Variants in CBLC observed in about 807,000 individuals in gnomAD.
The protein encoded by CBLC is E3 ubiquitin-protein ligase CBL-C.
In CBLC, 46 loss-of-function variants were observed where a neutral mutation model predicts 58.6. That is an observed-to-expected ratio of 0.79 (90% confidence interval 0.62 to 1.00). The LOEUF is 1.00. Ranked by LOEUF, CBLC falls within the 50% of genes least tolerant of loss-of-function variation. The pLI, the probability that CBLC is intolerant of heterozygous loss-of-function variation, is 0.00. For missense variants in CBLC, 655 were observed against 625.8 expected, an observed-to-expected ratio of 1.05 and a Z score of -0.50; for synonymous variants, 271 against 264.2, an observed-to-expected ratio of 1.03 and a Z score of -0.25.
At position 44,781,070 on chromosome 19, in the gene CBLC, T is replaced by G. The variant is rs993192049; in HGVS notation, c.500+19T>G. ...GAGCCCGGTGAGTAAGCCCTTGTCC[T>G]CAGCTCCCGGAGCCCCATCCTGCCC... On this transcript the variant is annotated intron_variant, in intron 2 of 10. Transcript: ENST00000647358. 2 of 1,606,000 alleles carry G rather than the reference T, an allele frequency of 1.2e-6. No homozygotes were observed. Among genetic ancestry groups the G allele is most frequent in the African/African-American group, 2.7e-5 (2 of 74,810 alleles).
chr19:44,800,539 C>A lies in CBLC; in HGVS notation c.*8-12C>A. 1 of 773,692 alleles carries A rather than the reference C, an allele frequency of 1.3e-6. No homozygotes were observed. Among genetic ancestry groups the A allele is most frequent in the South Asian group, 1.7e-5 (1 of 59,910 alleles). The allele number at this position is 773,692 out of a possible 1,614,324, so 47.9% of individuals were successfully genotyped here. A position where few individuals can be genotyped will look rare whatever the true frequency, so the allele number is the denominator to read the frequency against. ...GTGACCTCATCTAACCCACCCCTCT[C>A]TCCGCCTACAGGGCACCCAGATGTG... On this transcript the variant is annotated splice_polypyrimidine_tract_variant and intron_variant, in intron 10 of 10. Transcript: ENST00000647358.
At chr19:44,789,909 AAAT>A in intron 5 of CBLC, 92 bp from the exon 6 acceptor site, 2 of 821,526 alleles carry the variant, frequency 2.4e-6, no homozygotes, top group Non-Finnish European at 4.2e-6. Flanking sequence ...CAACTCAGGG[AAAT>A]ATGGGGCCCT....
intron 5 of CBLC, among the ~76,000 whole-genome samples, chr19:44,789,020 A>G (rs1967979848): frequency 6.6e-6 from 1 of 152,120 alleles, no homozygotes; most frequent in South Asian, 2.1e-4. Flanking sequence ...TGAGGGTCCA[A>G]TATTTCATGT....
In CBLC at chr19:44,800,436, C is replaced by G. The variant is rs1298249941; in HGVS notation, c.1418C>G (p.Pro473Arg). 6.2e-7 allele frequency: 1 copy of G among 1,611,168 alleles called. No individual in the cohort carries two copies. ...GCGCTGGGACCCCAGGACCCTGCCC[C>G]GGCCTGAAGGCCAGGTGAGTCCATT... Reference protein sequence around the residue: ...PAALGPQDPAPA With the variant: ...PAALGPQDPARA The change falls in exon 10 of 11, where the codon CCG becomes CGG. Residue 473 changes from proline (P) to arginine (R), a missense_variant. Coordinates refer to ENST00000647358, the MANE Select transcript of CBLC (RefSeq NM_012116.4).
intron 5 of CBLC, among the ~76,000 whole-genome samples, chr19:44,785,539 GA>G (rs1967878629): frequency 4.0e-4 from 35 of 86,684 alleles, no homozygotes; most frequent in African/African-American, 1.8e-3. Context: ...TAGGTAGATA[GA>G]TAGATAGATA....
At position 44,781,278 on chromosome 19, in the gene CBLC, C is replaced by A; in HGVS notation, c.572C>A (p.Ala191Asp). 2 of 1,613,730 alleles carry A rather than the reference C, an allele frequency of 1.2e-6. No homozygotes were observed. Among genetic ancestry groups the A allele is most frequent in the Non-Finnish European group, 1.7e-6 (2 of 1,179,974 alleles). ...TCHPVEPGCT[A>D]LALRTTIDLT... is the part of the protein sequence containing the mutation. ...CACCCTGTGGAACCAGGCTGCACAG[C>A]CCTGGCCTTGCGCACCACCATTGAC... The change falls in exon 3 of 11, where the codon GCC becomes GAC. Residue 191 changes from alanine to aspartate, a missense_variant. Coordinates refer to ENST00000647358, the MANE Select transcript of CBLC (RefSeq NM_012116.4).
rs115397625 is a variant in CBLC at position 44,798,630 on chromosome 19, G to A, written c.1363-1751G>A. Among the ~76,000 whole-genome samples the A allele has an allele frequency of 7.5e-3, 1,142 of 152,210 alleles. 17 individuals are homozygous for A. Among genetic ancestry groups the A allele is most frequent in the African/African-American group, 0.026 (1,080 of 41,522 alleles). On this transcript the variant is annotated intron_variant, in intron 9 of 10. Transcript: ENST00000647358. The stretch of plus-strand genomic sequence containing the variant: ...CTCGGGAGGCTGAGGTAGGAGAATC[G>A]CTTGATTCTCGCTTGATTATCGCTT...
rs1344052233 is a variant in CBLC at position 44,778,210 on chromosome 19, G to C, written c.279G>C (p.Gln93His). 6.0e-6 allele frequency: 9 copies of C among 1,489,614 alleles called. No homozygotes were observed. Among genetic ancestry groups the C allele is most frequent in the Non-Finnish European group, 8.0e-6 (9 of 1,120,808 alleles). 92.3% of individuals were successfully genotyped at this position (1,489,614 alleles called of 1,614,324 possible). Residue 93 changes from glutamine (Q) to histidine (H), a missense_variant, in exon 1 of 11, where the codon CAG becomes CAC. Physicochemically the swap from Gln to His is conservative, Grantham distance 24. This residue lies in a region of CBLC where 280 missense variants were observed against 237.2 expected (regional missense o/e 1.18). Coordinates refer to ENST00000647358, the MANE Select transcript of CBLC (RefSeq NM_012116.4). ...YLANLEAKSR[Q>H]VAALLPPRGR... ...CCAATCTGGAGGCCAAGAGCAGGCA[G>C]GTGGCCGCGCTGCTGCCTCCCCGGG...
chr19:44,784,980 TTTTTTTTTTG>T (rs1967859242), intron 5 of CBLC, among the ~76,000 whole-genome samples: 2 of 123,724 alleles, frequency 1.6e-5, no homozygotes, highest in African/African-American at 6.7e-5. Flanking sequence ...TTTTTTTTTT[TTTTTTTTTTG>T]AGACAGAGTC....
Position 44,777,980 on chromosome 19 carries a change from G to C in CBLC, c.49G>C (p.Ala17Pro), listed in dbSNP as rs773891788. 1.9e-6 allele frequency: 3 copies of C among 1,606,776 alleles called. No individual in the cohort carries two copies. Among genetic ancestry groups the C allele is most frequent in the South Asian group, 2.2e-5 (2 of 90,846 alleles). ...GGGGCGACAGTGGGAAGAGGCCCGC[G>C]CCCTGGGCCGGGCAGTCAGGATGCT... The part of the protein sequence containing the change: ...PWGRQWEEAR[A>P]LGRAVRMLQR... The change falls in exon 1 of 11, where the codon GCC becomes CCC. Residue 17 changes from alanine (A) to proline (P), a missense_variant. Ala to Pro is a conservative substitution (Grantham distance 27, BLOSUM62 -1). This residue lies in a region of CBLC where 280 missense variants were observed against 237.2 expected (regional missense o/e 1.18). Coordinates refer to ENST00000647358, the MANE Select transcript of CBLC (RefSeq NM_012116.4).
chr19:44,786,512 G>A (rs773775472), intron 5 of CBLC, among the ~76,000 whole-genome samples: 4 of 149,826 alleles, frequency 2.7e-5, no homozygotes, highest in East Asian at 2.0e-4. Context: ...GGAGAATGGC[G>A]TGAACCCTGG....
At chr19:44,785,890 AC>A (rs1568559232) in intron 5 of CBLC, among the ~76,000 whole-genome samples, 1 of 151,914 alleles carries the variant, frequency 6.6e-6, no homozygotes, top group Non-Finnish European at 1.5e-5. Context: ...AGCTGATATC[AC>A]GCCACTGCAC....
Position 44,777,908 on chromosome 19 carries a change from C to G in CBLC, c.-24C>G. 2 of 1,528,498 alleles carry G rather than the reference C, an allele frequency of 1.3e-6. No homozygotes were observed. Among genetic ancestry groups the G allele is most frequent in the South Asian group, 1.2e-5 (1 of 81,382 alleles). 94.7% of individuals were successfully genotyped at this position (1,528,498 alleles called of 1,614,324 possible). On this transcript the variant is annotated 5_prime_UTR_variant, in exon 1 of 11. Transcript: ENST00000647358. The stretch of plus-strand genomic sequence containing the variant: ...CGCCCCTATCCCAGCCGCACCGGTC[C>G]TTCCCGGCACACGCGAGGCTCCCAT...
At chr19:44,786,920 C>T (rs1224437930) in intron 5 of CBLC, among the ~76,000 whole-genome samples, 1 of 151,980 alleles carries the variant, frequency 6.6e-6, no homozygotes, top group Non-Finnish European at 1.5e-5. Context: ...GCCTGGCCAA[C>T]ATGGTGAAAC....
At chr19:44,788,874 A>G (rs1355698299) in intron 5 of CBLC, among the ~76,000 whole-genome samples, 1 of 152,024 alleles carries the variant, frequency 6.6e-6, no homozygotes, top group Non-Finnish European at 1.5e-5. Context: ...AGAAGGGGAA[A>G]CTGAGGCCAG....
At chr19:44,784,726 T>A (rs1019210758) in intron 5 of CBLC, among the ~76,000 whole-genome samples, 1 of 152,088 alleles carries the variant, frequency 6.6e-6, no homozygotes, top group Non-Finnish European at 1.5e-5. Flanking sequence ...CTTCCTCTTT[T>A]ACTTTAGTTA....
chr19:44,794,901 A>G (rs1599873509), intron 9 of CBLC, among the ~76,000 whole-genome samples: 1 of 144,284 alleles, frequency 6.9e-6, no homozygotes, highest in African/African-American at 2.6e-5. Context: ...TTCCCTGACC[A>G]CTCTGTTCAA....
At position 44,782,488 on chromosome 19, in the gene CBLC, G is replaced by T; in HGVS notation, c.776G>T (p.Gly259Val). 1 of 1,613,260 alleles carries T rather than the reference G, an allele frequency of 6.2e-7. No individual in the cohort carries two copies. Among genetic ancestry groups the T allele is most frequent in the Non-Finnish European group, 8.5e-7 (1 of 1,179,380 alleles). Reference protein sequence around the residue: ...ERLQACRDKPGSYIFRPSCTR... With the variant: ...ERLQACRDKPVSYIFRPSCTR... Reference sequence around the variant, plus strand: ...CTGCAGGCCTGCAGGGACAAGCCAGGCAGGTAAAGGGTCCAGGGCTCAGCA... The same window carrying T: ...CTGCAGGCCTGCAGGGACAAGCCAGTCAGGTAAAGGGTCCAGGGCTCAGCA... The change falls in exon 4 of 11, where the codon GGC becomes GTC. Residue 259 changes from glycine to valine, a missense_variant. This residue lies in a region of CBLC where 371 missense variants were observed against 370.8 expected (regional missense o/e 1.00). Coordinates refer to ENST00000647358, the MANE Select transcript of CBLC (RefSeq NM_012116.4).
Position 44,778,194 on chromosome 19 carries a change from A to G in CBLC, c.263A>G (p.Glu88Gly), listed in dbSNP as rs1967621877. The G allele has an allele frequency of 6.6e-7, 1 of 1,518,068 alleles. No individual in the cohort carries two copies. The highest frequency in any genetic ancestry group is 2.5e-5 in the East Asian group (1 of 40,232). 94.0% of individuals were successfully genotyped at this position (1,518,068 alleles called of 1,614,324 possible). Residue 88 changes from glutamate (E) to glycine (G), a missense_variant, in exon 1 of 11, where the codon GAG (glutamate) becomes GGG (glycine). Physicochemically the swap from Glu to Gly is moderately conservative, Grantham distance 98 (BLOSUM62 -2). Around this residue, in one of 3 missense-constraint regions of CBLC, gnomAD observed 280 missense variants for 237.2 expected, o/e 1.18. Transcript: ENST00000647358. ...DFLLIYLANLEAKSRQVAALL... is the reference protein window; with the variant it reads ...DFLLIYLANLGAKSRQVAALL... The stretch of plus-strand genomic sequence containing the variant: ...CTACTCATCTACCTGGCCAATCTGG[A>G]GGCCAAGAGCAGGCAGGTGGCCGCG...
Sources: gnomAD v4.1 joint callset for allele counts (sites outside exome capture counted in the v4.1 genomes callset) on GRCh38, gnomAD v4.1.1 for gene constraint, gnomAD v4.1.1 regional missense constraint, MANE v1.5 for transcripts, NCBI Gene and HGNC (gene_info 2026-07-23, HGNC 2026-07-21) for gene names.